The following LRRC7 variants were observed in gnomAD, a reference collection of about 807,000 sequenced individuals.
The protein encoded by LRRC7 is leucine-rich repeat-containing protein 7.
In LRRC7, 23 loss-of-function variants were observed where a neutral mutation model predicts 175.7. The observed-to-expected ratio is 0.13, with a 90% CI of 0.09 to 0.19. The LOEUF (loss-of-function observed/expected upper bound fraction) is 0.19, where lower values mean the gene tolerates loss of function less well. LRRC7 is among the 10% of genes least tolerant of loss of function. The pLI is 1.00. For missense variants in LRRC7, 1,354 were observed against 1,904.7 expected (o/e 0.71, Z 5.38); for synonymous variants, 685 against 680.9 (o/e 1.01, Z -0.09).
At chr1:70,086,912 G>C (rs1663654759) in intron 24 of LRRC7, among the ~76,000 whole-genome samples, 1 of 151,946 alleles carries the variant, frequency 6.6e-6, no homozygotes, top group Admixed American at 6.6e-5. Flanking sequence ...TACATTTTAT[G>C]GCTTCTTTGG....
At chr1:70,007,444 CT>C (rs1259475297) in intron 11 of LRRC7, among the ~76,000 whole-genome samples, 2 of 151,876 alleles carry the variant, frequency 1.3e-5, no homozygotes, top group African/African-American at 4.8e-5. Context: ...TCTTTAAAAC[CT>C]TTTGTCCAAG....
At chr1:69,897,038 A>C (rs1645999775) in intron 7 of LRRC7, among the ~76,000 whole-genome samples, 1 of 152,176 alleles carries the variant, frequency 6.6e-6, no homozygotes, top group South Asian at 2.1e-4. Context: ...TTCCAATGAT[A>C]ATAAGTTGTG....
intron 1 of LRRC7, among the ~76,000 whole-genome samples, chr1:69,652,683 A>G (rs557600693): frequency 1.3e-5 from 2 of 152,186 alleles, no homozygotes; most frequent in Non-Finnish European, 1.5e-5. Context: ...GACTCTGAAT[A>G]GCCATAACAG....
chr1:70,100,510 CTT>C (rs1664734333), intron 25 of LRRC7, among the ~76,000 whole-genome samples: 1 of 152,082 alleles, frequency 6.6e-6, no homozygotes, highest in Non-Finnish European at 1.5e-5. Flanking sequence ...GCACTAGTCT[CTT>C]TGTTGCTCCA....
rs756182615 is a variant in LRRC7, at chr1:69,719,702, T to C, written c.101-40489T>C. On this transcript the variant is annotated intron_variant, in intron 2 of 26. Transcript: ENST00000651989. The stretch of plus-strand genomic sequence containing the variant: ...TCTACAGTAAAAAATGGCTTTATTG[T>C]TTTATTTCAGGTGATATAAATAATT... Among the ~76,000 whole-genome samples, 41 of 151,762 alleles carry C rather than the reference T, an allele frequency of 2.7e-4. 1 individual carries two copies. In the Middle Eastern group the frequency reaches 0.01, roughly 38 times the overall value.
At chr1:69,580,744 C>T (rs1227722066) in intron 1 of LRRC7, among the ~76,000 whole-genome samples, 1 of 152,112 alleles carries the variant, frequency 6.6e-6, no homozygotes, top group Non-Finnish European at 1.5e-5. Flanking sequence ...TGAGTACAAA[C>T]CTGGTCTCTG....
intron 1 of LRRC7, among the ~76,000 whole-genome samples, chr1:69,586,432 G>C (rs901294533): frequency 6.6e-6 from 1 of 152,078 alleles, no homozygotes; most frequent in African/African-American, 2.4e-5. Flanking sequence ...GCAAAATGGG[G>C]CTCCCTAAGC....
At chr1:69,949,578 G>A (rs1649706928) in intron 8 of LRRC7, among the ~76,000 whole-genome samples, 1 of 151,964 alleles carries the variant, frequency 6.6e-6, no homozygotes, top group Non-Finnish European at 1.5e-5. Flanking sequence ...GAGAGAGAGA[G>A]AGAATATAAA....
chr1:70,060,461 T>C (rs1661492247), intron 23 of LRRC7, among the ~76,000 whole-genome samples: 1 of 152,174 alleles, frequency 6.6e-6, no homozygotes, highest in South Asian at 2.1e-4. Flanking sequence ...TAATTTTTGG[T>C]TTTGTAATTT....
At chr1:69,924,298 T>C (rs1216643358) in intron 7 of LRRC7, among the ~76,000 whole-genome samples, 1 of 152,022 alleles carries the variant, frequency 6.6e-6, no homozygotes. Flanking sequence ...TCTTTTTTGG[T>C]TCCATATGAA....
intron 5 of LRRC7, among the ~76,000 whole-genome samples, chr1:69,828,273 T>G (rs1391774202): frequency 1.3e-5 from 2 of 152,104 alleles, no homozygotes. Flanking sequence ...TATTTTCATT[T>G]CTATTGAGTG....
intron 1 of LRRC7, among the ~76,000 whole-genome samples, chr1:69,605,470 A>G (rs1275661496): frequency 6.6e-6 from 1 of 152,216 alleles, no homozygotes; most frequent in Non-Finnish European, 1.5e-5. Context: ...GAACAAAGCT[A>G]TTGAGAACTT....
At chr1:69,932,941 C>T (rs1447639489) in intron 8 of LRRC7, among the ~76,000 whole-genome samples, 2 of 152,212 alleles carry the variant, frequency 1.3e-5, no homozygotes, top group East Asian at 1.9e-4. Context: ...GTCAGGTCTG[C>T]GGGCTCAGAT....
chr1:69,572,722 A>C (rs1363295500), intron 1 of LRRC7, among the ~76,000 whole-genome samples: 1 of 152,152 alleles, frequency 6.6e-6, no homozygotes. Context: ...AACAAGATAA[A>C]ATAGAGGTGG....
chr1:69,781,843 A>AAGGG (rs1259121557), intron 3 of LRRC7, among the ~76,000 whole-genome samples: 3 of 89,382 alleles, frequency 3.4e-5, no homozygotes, highest in African/African-American at 9.6e-5. Context: ...GGAAGGAAGG[A>AAGGG]AGGGAGAGAA....
intron 2 of LRRC7, among the ~76,000 whole-genome samples, chr1:69,700,900 A>G (rs188762555): frequency 6.6e-6 from 1 of 152,296 alleles, no homozygotes; most frequent in East Asian, 1.9e-4. Flanking sequence ...CATTCCAGAA[A>G]GAAGAAATCC....
In LRRC7 at chr1:69,784,417, G is replaced by T. The variant is rs185732743; in HGVS notation, c.304-7626G>T. ...ACATATTACATACGCTCTTGGGTCT[G>T]TGTATTTCACAATAAGACATTTTAA... On this transcript the variant is annotated intron_variant, in intron 3 of 26. Coordinates refer to ENST00000651989, the MANE Select transcript of LRRC7 (RefSeq NM_001370785.2). 3.9e-5 allele frequency among the ~76,000 whole-genome samples: 6 copies of T among 152,170 alleles called. No homozygotes were observed. In the East Asian group the frequency reaches 1.2e-3, roughly 29 times the overall value.
chr1:70,026,839 T>C (rs969601044), intron 17 of LRRC7, among the ~76,000 whole-genome samples: 9 of 152,116 alleles, frequency 5.9e-5, no homozygotes, highest in Non-Finnish European at 1.0e-4. Flanking sequence ...AATTCTAGTA[T>C]TTGATGAGAA....
At chr1:70,031,033 G>T (rs1658662966) in intron 18 of LRRC7, 1 of 152,206 alleles carries the variant, frequency 6.6e-6, no homozygotes, top group South Asian at 2.1e-4. Flanking sequence ...GGCCACCTCA[G>T]CAGGAAGGCC....
Sources: gnomAD v4.1 joint callset for allele counts (sites outside exome capture counted in the v4.1 genomes callset) on GRCh38, gnomAD v4.1.1 for gene constraint, MANE v1.5 for transcripts, NCBI Gene and HGNC (gene_info 2026-07-23, HGNC 2026-07-21) for gene names.